ZNG1A: variants seen among roughly 807,000 people sequenced by gnomAD.
ZNG1A encodes the protein zinc-regulated GTPase metalloprotein activator 1A.
chr9:139,854 C>A, the ZNG1A span, among the ~76,000 whole-genome samples: 1 of 151,456 alleles, frequency 6.6e-6, no homozygotes, highest in Non-Finnish European at 1.5e-5. Flanking sequence ...ACTTGGGAAG[C>A]GCAGGGGGTC....
the ZNG1A span, among the ~76,000 whole-genome samples, chr9:140,996 G>T: frequency 2.2e-5 from 3 of 137,660 alleles, no homozygotes; most frequent in Non-Finnish European, 4.6e-5. Context: ...AGAGAAAAAA[G>T]AATAAAAAGA....
At chr9:154,625 T>G in the ZNG1A span, 2 of 1,005,488 alleles carry the variant, frequency 2.0e-6, no homozygotes, top group Admixed American at 4.1e-5. Context: ...ACCTTAAGTT[T>G]CTACAGGGCA....
At chr9:173,955 C>G in the ZNG1A span, among the ~76,000 whole-genome samples, 6 of 151,942 alleles carry the variant, frequency 3.9e-5, no homozygotes, top group South Asian at 4.2e-4. Flanking sequence ...AGACCATCCT[C>G]GCTAACACAA....
the ZNG1A span, chr9:149,214 G>T: frequency 6.6e-6 from 1 of 151,712 alleles, no homozygotes; most frequent in Admixed American, 6.6e-5. Flanking sequence ...CAAGAGGCAT[G>T]TTGCTTTTAA....
the ZNG1A span, among the ~76,000 whole-genome samples, chr9:140,364 C>A: frequency 0.18 from 27,646 of 150,676 alleles, 2,878 homozygotes; most frequent in East Asian, 0.43. Flanking sequence ...CCCTGACCCC[C>A]GAGCAGCCTA....
At chr9:174,054 G>A in the ZNG1A span, among the ~76,000 whole-genome samples, 1 of 151,684 alleles carries the variant, frequency 6.6e-6, no homozygotes, top group Admixed American at 6.6e-5. Context: ...GGCTGAGGCA[G>A]GAGAATGGCG....
the ZNG1A span, among the ~76,000 whole-genome samples, chr9:133,453 A>G: frequency 6.7e-6 from 1 of 149,662 alleles, no homozygotes; most frequent in Admixed American, 6.7e-5. Context: ...ATTTCCTATT[A>G]AAATACATTT....
chr9:147,697 A>T, the ZNG1A span: 1 of 149,218 alleles, frequency 6.7e-6, no homozygotes, highest in African/African-American at 2.6e-5. Flanking sequence ...AATATTAAAC[A>T]TATTTCCTTT....
At chr9:175,637 A>T in the ZNG1A span, 2 of 1,558,000 alleles carry the variant, frequency 1.3e-6, no homozygotes, top group East Asian at 4.5e-5. Flanking sequence ...ATATCAATTC[A>T]CCAGAGGAAT....
the ZNG1A span, among the ~76,000 whole-genome samples, chr9:138,461 T>C: frequency 7.2e-6 from 1 of 138,078 alleles, no homozygotes; most frequent in Non-Finnish European, 1.5e-5. Flanking sequence ...AGGGGTCCAA[T>C]AAAACACTAT....
chr9:169,066 T>C, the ZNG1A span, among the ~76,000 whole-genome samples: 2 of 152,076 alleles, frequency 1.3e-5, no homozygotes, highest in Non-Finnish European at 2.9e-5. Flanking sequence ...ATAGCTACCA[T>C]AGACAGTGAT....
chr9:158,903 G>A, the ZNG1A span, among the ~76,000 whole-genome samples: 1 of 152,016 alleles, frequency 6.6e-6, no homozygotes, highest in African/African-American at 2.4e-5. Context: ...CTTCCCTCAT[G>A]TGACTTCCTA....
At chr9:173,906 G>T in the ZNG1A span, among the ~76,000 whole-genome samples, 5,807 of 152,152 alleles carry the variant, frequency 0.038, 133 homozygotes, top group Middle Eastern at 0.058. Context: ...TAAACTTATA[G>T]GGAGGCCAAG....
chr9:125,033 T>C, the ZNG1A span, among the ~76,000 whole-genome samples: 1 of 152,232 alleles, frequency 6.6e-6, no homozygotes, highest in South Asian at 2.1e-4. Context: ...TGCACGTATC[T>C]TTTTCGTATA....
the ZNG1A span, chr9:173,276 GAACA>G: frequency 6.3e-7 from 1 of 1,591,070 alleles, no homozygotes; most frequent in African/African-American, 1.5e-5. Flanking sequence ...TCACTTCACT[GAACA>G]GCAGAGGCAA....
At chr9:138,909 A>G in the ZNG1A span, among the ~76,000 whole-genome samples, 1 of 148,828 alleles carries the variant, frequency 6.7e-6, no homozygotes, top group Non-Finnish European at 1.5e-5. Context: ...TCAAAAAAAT[A>G]AATAAAAAGA....
the ZNG1A span, among the ~76,000 whole-genome samples, chr9:158,551 G>A: frequency 6.6e-6 from 1 of 150,884 alleles, no homozygotes; most frequent in Non-Finnish European, 1.5e-5. Flanking sequence ...GCATTTCCAT[G>A]CCTAAAGGTA....
chr9:157,286 G>GTT, the ZNG1A span, among the ~76,000 whole-genome samples: 6 of 141,212 alleles, frequency 4.2e-5, no homozygotes, highest in African/African-American at 1.3e-4. Flanking sequence ...TTTGTTGTCT[G>GTT]TTTTTTTTTT....
the ZNG1A span, chr9:122,273 T>C: frequency 7.0e-7 from 1 of 1,434,814 alleles, no homozygotes. Flanking sequence ...ATGTTTTTAA[T>C]TTTCAAAAAA....
Sources: gnomAD v4.1 joint callset for allele counts (sites outside exome capture counted in the v4.1 genomes callset) on GRCh38, gnomAD v4.1.1 for gene constraint, MANE v1.5 for transcripts, NCBI Gene and HGNC (gene_info 2026-07-23, HGNC 2026-07-21) for gene names.